The following CARMIL1 variants were observed in gnomAD, a reference collection of about 807,000 sequenced individuals.
CARMIL1 encodes capping protein regulator and myosin 1 linker 1, also known as F-actin-uncapping protein LRRC16A.
Under a neutral mutation model 177.1 loss-of-function variants are expected in CARMIL1, and 90 were observed. The observed-to-expected ratio is 0.51, with a 90% CI of 0.43 to 0.61. CARMIL1 has a LOEUF of 0.61. Ranked by LOEUF, CARMIL1 falls within the 20% of genes least tolerant of loss-of-function variation. The probability of loss-of-function intolerance (pLI) is 0.00; values close to 1 mark genes in which losing one functional copy is unlikely to be tolerated. For synonymous variants in CARMIL1, 577 were observed against 606.2 expected (o/e 0.95, Z 0.71); for missense variants, 1,380 against 1,667.0 (o/e 0.83, Z 3.00).
chr6:25,467,905 A>G (rs1800758468), intron 9 of CARMIL1, among the ~76,000 whole-genome samples: 2 of 152,250 alleles, frequency 1.3e-5, no homozygotes, highest in South Asian at 4.1e-4. Flanking sequence ...TTAAAAAGAA[A>G]TGATACTTCC....
intron 2 of CARMIL1, among the ~76,000 whole-genome samples, chr6:25,402,914 T>A (rs958716363): frequency 1.2e-4 from 19 of 152,130 alleles, no homozygotes; most frequent in African/African-American, 4.6e-4. Context: ...ACAATATACA[T>A]TTGAAATTAT....
Position 25,567,298 on chromosome 6 carries a change from C to T in CARMIL1, c.2742+10448C>T, listed in dbSNP as rs192384033. ...TCGGTGGATAGTATCTTTATTCCCA[C>T]GGGCCAATTATTTCTTTATAGAGGT... On this transcript the variant is annotated intron_variant, in intron 29 of 36. Transcript: ENST00000329474. 2.7e-3 allele frequency among the ~76,000 whole-genome samples: 408 copies of T among 152,288 alleles called. 1 individual carries two copies. Among genetic ancestry groups the T allele is most frequent in the Non-Finnish European group, 3.7e-3 (255 of 68,024 alleles).
At chr6:25,590,131 G>A (rs541023122) in intron 31 of CARMIL1, among the ~76,000 whole-genome samples, 271 of 152,284 alleles carry the variant, frequency 1.8e-3, no homozygotes, top group Non-Finnish European at 3.1e-3. Context: ...CAACAAGAGC[G>A]AATAGACACT....
intron 2 of CARMIL1, among the ~76,000 whole-genome samples, chr6:25,334,540 G>A (rs920397550): frequency 1.3e-4 from 20 of 151,766 alleles, no homozygotes; most frequent in East Asian, 9.6e-4. Flanking sequence ...TTCTCTCCCT[G>A]TTACTGACCC....
Position 25,600,602 on chromosome 6 carries a change from AG to A in CARMIL1, c.3412del (p.Glu1138LysfsTer3), listed in dbSNP as rs1444270262. 6.2e-7 allele frequency: 1 copy of A among 1,614,018 alleles called. No homozygotes were observed. The highest frequency in any genetic ancestry group is 8.5e-7 in the Non-Finnish European group (1 of 1,179,886). On this transcript the variant is annotated frameshift_variant, in exon 33 of 37. Transcript: ENST00000329474. LOFTEE classifies it high-confidence loss of function. ...KTPDSFEESQGEEIGKVERSD... is the reference protein window; with the variant it reads ...KTPDSFEESQXEEIGKVERSD... Reference sequence around the variant, plus strand: ...CACCTGACTCCTTTGAAGAGAGTCAAGGGGAAGAAATAGGGAAGGTGGAACG... The same window carrying A: ...CACCTGACTCCTTTGAAGAGAGTCAAGGGAAGAAATAGGGAAGGTGGAACG...
chr6:25,335,133 A>G (rs181878154), intron 2 of CARMIL1, among the ~76,000 whole-genome samples: 227 of 152,200 alleles, frequency 1.5e-3, no homozygotes, highest in African/African-American at 5.1e-3. Flanking sequence ...TTTTCTTTCA[A>G]TGAAGCGTAG....
intron 35 of CARMIL1, among the ~76,000 whole-genome samples, chr6:25,609,365 C>T (rs977954088): frequency 1.3e-5 from 2 of 151,596 alleles, no homozygotes; most frequent in Admixed American, 1.3e-4. Flanking sequence ...ACTTGGGAGG[C>T]TGAGGCAGGA....
chr6:25,401,756 C>G (rs1793899533), intron 2 of CARMIL1, among the ~76,000 whole-genome samples: 1 of 152,174 alleles, frequency 6.6e-6, no homozygotes, highest in Non-Finnish European at 1.5e-5. Flanking sequence ...AAATGAACCC[C>G]ATTATACTGA....
At chr6:25,396,101 G>A (rs1224116489) in intron 2 of CARMIL1, among the ~76,000 whole-genome samples, 1 of 151,954 alleles carries the variant, frequency 6.6e-6, no homozygotes, top group Non-Finnish European at 1.5e-5. Context: ...AGCTGAGCAG[G>A]TTTATTTTGA....
At chr6:25,441,693 A>G (rs1297090532) in intron 5 of CARMIL1, among the ~76,000 whole-genome samples, 2 of 152,202 alleles carry the variant, frequency 1.3e-5, no homozygotes, top group South Asian at 2.1e-4. Flanking sequence ...AATCTTTGCT[A>G]TAGACTGTCC....
intron 8 of CARMIL1, chr6:25,452,306 G>A (rs1441809582): frequency 2.7e-6 from 2 of 737,180 alleles, no homozygotes; most frequent in Non-Finnish European, 4.9e-6. Flanking sequence ...TAGACAAGAT[G>A]TTTCCTGTGT....
At chr6:25,588,879 ATAT>A (rs1339263919) in intron 31 of CARMIL1, among the ~76,000 whole-genome samples, 3 of 152,218 alleles carry the variant, frequency 2.0e-5, no homozygotes, top group South Asian at 2.1e-4. Context: ...ATTCTCTGAA[ATAT>A]TATACCATGC....
intron 36 of CARMIL1, among the ~76,000 whole-genome samples, chr6:25,613,571 A>C (rs1462864321): frequency 6.6e-6 from 1 of 152,232 alleles, no homozygotes; most frequent in East Asian, 1.9e-4. Flanking sequence ...ACAGATTTCA[A>C]ATCAGCTCTG....
At chr6:25,615,313 C>T (rs1256237332) in intron 36 of CARMIL1, among the ~76,000 whole-genome samples, 2 of 152,210 alleles carry the variant, frequency 1.3e-5, no homozygotes, top group Non-Finnish European at 1.5e-5. Context: ...GTTCTCAAAG[C>T]ATGCTGCATA....
intron 3 of CARMIL1, among the ~76,000 whole-genome samples, chr6:25,421,830 T>C (rs889187531): frequency 1.6e-5 from 2 of 127,708 alleles, no homozygotes; most frequent in Non-Finnish European, 3.1e-5. Flanking sequence ...TGAGAACAGA[T>C]GGACACAGGA....
intron 36 of CARMIL1, among the ~76,000 whole-genome samples, chr6:25,616,112 G>A (rs944908640): frequency 1.3e-5 from 2 of 152,108 alleles, no homozygotes; most frequent in Admixed American, 6.6e-5. Flanking sequence ...ATAGACACAC[G>A]CATAGAGATG....
chr6:25,455,340 A>G (rs1799400785), intron 8 of CARMIL1, among the ~76,000 whole-genome samples: 1 of 152,174 alleles, frequency 6.6e-6, no homozygotes, highest in Non-Finnish European at 1.5e-5. Context: ...TTTAGTCTTC[A>G]TACTTAGAAA....
intron 11 of CARMIL1, among the ~76,000 whole-genome samples, chr6:25,482,049 A>G (rs1802167263): frequency 6.6e-6 from 1 of 152,238 alleles, no homozygotes; most frequent in Admixed American, 6.5e-5. Flanking sequence ...TGTATGCCTA[A>G]TAAGACAATC....
intron 11 of CARMIL1, 52 bp downstream of exon 11, chr6:25,472,573 G>T: frequency 7.0e-7 from 1 of 1,424,718 alleles, no homozygotes; most frequent in Non-Finnish European, 9.7e-7. Flanking sequence ...GAGGATTAGA[G>T]AATTTTAATT....
Sources: gnomAD v4.1 joint callset for allele counts (sites outside exome capture counted in the v4.1 genomes callset) on GRCh38, gnomAD v4.1.1 for gene constraint, MANE v1.5 for transcripts, NCBI Gene and HGNC (gene_info 2026-07-23, HGNC 2026-07-21) for gene names.